The following CFDP1 variants were observed in gnomAD, a reference collection of about 807,000 sequenced individuals.
CFDP1 encodes heterochromatin-stabilizing protein CFDP1.
In CFDP1, 31 loss-of-function variants were observed where a neutral mutation model predicts 40.1. The ratio of observed to expected loss-of-function variants is 0.77; its 90% CI spans 0.58 to 1.04. CFDP1 has a LOEUF of 1.04. Among genes scored for constraint, CFDP1 ranks in the 50% least tolerant of loss-of-function variants. The probability of loss-of-function intolerance (pLI) is 0.00; values close to 1 mark genes in which losing one functional copy is unlikely to be tolerated. For synonymous variants in CFDP1, 167 were observed against 120.0 expected (o/e 1.39, Z -2.56); for missense variants, 423 against 343.4 (o/e 1.23, Z -1.83).
At chr16:75,395,658 CAAAAAAATA>C (rs1253990184) in intron 4 of CFDP1, among the ~76,000 whole-genome samples, 3 of 150,804 alleles carry the variant, frequency 2.0e-5, no homozygotes, top group African/African-American at 4.9e-5. Context: ...GACACCGTCT[CAAAAAAATA>C]AAAAAAATAA....
At chr16:75,361,195 G>A (rs946725700) in intron 5 of CFDP1, among the ~76,000 whole-genome samples, 2 of 152,078 alleles carry the variant, frequency 1.3e-5, no homozygotes, top group African/African-American at 4.8e-5. Flanking sequence ...TTTTTTAGTA[G>A]CGATGGGGTT....
rs3096252 is a variant in CFDP1, at chr16:75,397,161, G to A, written c.531-1952C>T. On this transcript the variant is annotated intron_variant, in intron 4 of 6. Transcript: ENST00000283882. ...GATCTCCTGACCTTGTGATCTGCCC[G>A]CCTTGGCCTCCCAAAGTGCTGGGAT... is the stretch of plus-strand genomic sequence containing the variant. Among the ~76,000 whole-genome samples, 24 of 151,742 alleles carry A rather than the reference G, an allele frequency of 1.6e-4. 1 individual carries two copies. Among genetic ancestry groups the A allele is most frequent in the African/African-American group, 2.2e-4 (9 of 41,448 alleles).
At chr16:75,326,020 GACAA>G (rs1163200986) in intron 5 of CFDP1, among the ~76,000 whole-genome samples, 2 of 152,142 alleles carry the variant, frequency 1.3e-5, no homozygotes, top group Admixed American at 6.6e-5. Flanking sequence ...TATCTTAGTT[GACAA>G]ACAAATAAGG....
intron 5 of CFDP1, among the ~76,000 whole-genome samples, chr16:75,344,460 T>C (rs929852868): frequency 2.6e-5 from 4 of 152,152 alleles, no homozygotes; most frequent in Non-Finnish European, 5.9e-5. Flanking sequence ...TATAAAATAA[T>C]GGTACAATTC....
chr16:75,405,278 A>G (rs1175358192), intron 4 of CFDP1, among the ~76,000 whole-genome samples: 2 of 152,216 alleles, frequency 1.3e-5, no homozygotes. Context: ...GTAAGCATTT[A>G]TTTTTATAAC....
intron 4 of CFDP1, among the ~76,000 whole-genome samples, chr16:75,402,637 A>C (rs1167353170): frequency 6.6e-6 from 1 of 152,198 alleles, no homozygotes; most frequent in Admixed American, 6.6e-5. Flanking sequence ...ACATTTCTTG[A>C]AGATGTAGTA....
At chr16:75,391,089 C>G (rs1365134084) in intron 5 of CFDP1, among the ~76,000 whole-genome samples, 1 of 152,196 alleles carries the variant, frequency 6.6e-6, no homozygotes, top group Non-Finnish European at 1.5e-5. Context: ...GTGACTTAAG[C>G]TGATTTTAAG....
intron 5 of CFDP1, among the ~76,000 whole-genome samples, chr16:75,327,036 C>T (rs9935967): frequency 2.6e-5 from 4 of 152,120 alleles, no homozygotes; most frequent in South Asian, 2.1e-4. Context: ...TTTGGGAGGC[C>T]GAGGCGGGCG....
At chr16:75,411,986 A>T (rs551436234) in intron 3 of CFDP1, 34 bp from the exon 4 acceptor site, 11 of 1,570,652 alleles carry the variant, frequency 7.0e-6, no homozygotes. Context: ...ATGTTTCACC[A>T]AAAGATGAAC....
intron 5 of CFDP1, among the ~76,000 whole-genome samples, chr16:75,313,534 G>T (rs553233598): frequency 1.3e-5 from 2 of 152,292 alleles, no homozygotes; most frequent in Admixed American, 6.5e-5. Flanking sequence ...TTGCCATGTT[G>T]GCCAGGCTGG....
intron 5 of CFDP1, among the ~76,000 whole-genome samples, chr16:75,386,865 C>T (rs2078902639): frequency 6.6e-6 from 1 of 152,220 alleles, no homozygotes; most frequent in Admixed American, 6.5e-5. Flanking sequence ...TCATACTTAT[C>T]TCAGTTACTA....
At chr16:75,422,264 T>C (rs962630608) in intron 1 of CFDP1, among the ~76,000 whole-genome samples, 17 of 151,954 alleles carry the variant, frequency 1.1e-4, no homozygotes, top group Non-Finnish European at 2.9e-5. Context: ...ACCCGGCTAA[T>C]TTTTTGTATT....
intron 4 of CFDP1, among the ~76,000 whole-genome samples, chr16:75,399,407 T>C (rs560388508): frequency 6.6e-6 from 1 of 152,172 alleles, no homozygotes. Flanking sequence ...CACTTACATA[T>C]AGTAATCTGA....
rs140515232 is a variant in CFDP1, at chr16:75,313,459, G to C, written c.651-8277C>G. ...ATTCTCCTGCCTCAGCCTCCTGATA[G>C]CTGGGATTACAGGCGCCCACCACCA... On this transcript the variant is annotated intron_variant, in intron 5 of 6. Coordinates refer to ENST00000283882, the MANE Select transcript of CFDP1 (RefSeq NM_006324.3). Among the ~76,000 whole-genome samples the C allele has an allele frequency of 6.6e-3, 1,004 of 152,174 alleles. 18 individuals are homozygous for C. Among genetic ancestry groups the C allele is most frequent in the Non-Finnish European group, 8.4e-3 (572 of 67,988 alleles).
intron 5 of CFDP1, among the ~76,000 whole-genome samples, chr16:75,313,886 T>C (rs1005045752): frequency 2.8e-5 from 4 of 143,482 alleles, no homozygotes; most frequent in African/African-American, 8.1e-5. Flanking sequence ...CAGTGTTCAC[T>C]GTTTTTTGTT....
intron 4 of CFDP1, among the ~76,000 whole-genome samples, chr16:75,401,192 G>A (rs2079049415): frequency 6.6e-6 from 1 of 152,096 alleles, no homozygotes; most frequent in Non-Finnish European, 1.5e-5. Flanking sequence ...ACTTTGGGAG[G>A]CCGAGGTGGG....
chr16:75,373,128 C>G (rs147393019), intron 5 of CFDP1, among the ~76,000 whole-genome samples: 2 of 152,202 alleles, frequency 1.3e-5, no homozygotes, highest in Admixed American at 6.5e-5. Flanking sequence ...TCTACTTTCC[C>G]TCCTTCCCCT....
intron 5 of CFDP1, among the ~76,000 whole-genome samples, chr16:75,328,204 A>C (rs1360107954): frequency 6.9e-6 from 1 of 145,636 alleles, no homozygotes; most frequent in African/African-American, 2.6e-5. Context: ...GGCTGGTCTC[A>C]AACTCCTGGC....
intron 5 of CFDP1, among the ~76,000 whole-genome samples, chr16:75,370,244 C>A (rs1298100525): frequency 6.6e-6 from 1 of 151,802 alleles, no homozygotes; most frequent in Non-Finnish European, 1.5e-5. Flanking sequence ...AGGTGCCTGC[C>A]ACCACACCCA....
Sources: gnomAD v4.1 joint callset for allele counts (sites outside exome capture counted in the v4.1 genomes callset) on GRCh38, gnomAD v4.1.1 for gene constraint, MANE v1.5 for transcripts, NCBI Gene and HGNC (gene_info 2026-07-23, HGNC 2026-07-21) for gene names.